The following SYBU variants were observed in gnomAD, a reference collection of about 807,000 sequenced individuals.
SYBU encodes the protein GOLSYN A protein.
In SYBU, 21 loss-of-function variants were observed where a neutral mutation model predicts 35.9. The ratio of observed to expected loss-of-function variants is 0.58; its 90% CI spans 0.41 to 0.84. The LOEUF (loss-of-function observed/expected upper bound fraction) is 0.84. Among genes scored for constraint, SYBU ranks in the 40% least tolerant of loss-of-function variants. The pLI is 0.00. For missense variants in SYBU, 768 were observed against 848.2 expected, an observed-to-expected ratio of 0.91 and a Z score of 1.17; for synonymous variants, 319 against 324.3, an observed-to-expected ratio of 0.98 and a Z score of 0.18.
chr8:109,639,682 T>C (rs1160900938), intron 2 of SYBU, among the ~76,000 whole-genome samples: 1 of 152,238 alleles, frequency 6.6e-6, no homozygotes, highest in East Asian at 1.9e-4. Context: ...TTAATATTTG[T>C]ATGCACCTTG....
At chr8:109,626,174 A>G (rs1036662542) in intron 2 of SYBU, among the ~76,000 whole-genome samples, 1 of 152,234 alleles carries the variant, frequency 6.6e-6, no homozygotes, top group Non-Finnish European at 1.5e-5. Context: ...TGTTAAAAGC[A>G]TCAACCCTTT....
upstream of SYBU, among the ~76,000 whole-genome samples, chr8:109,685,291 C>T (rs1817495386): frequency 6.6e-6 from 1 of 152,090 alleles, no homozygotes; most frequent in South Asian, 2.1e-4. Context: ...TGGAGGAAAA[C>T]AGATAAATGT....
upstream of SYBU, among the ~76,000 whole-genome samples, chr8:109,648,289 T>C (rs1484643736): frequency 7.5e-6 from 1 of 132,802 alleles, no homozygotes; most frequent in Admixed American, 7.2e-5. Context: ...TATATATATA[T>C]CTCCTGGCAA....
At chr8:109,662,356 A>T (rs1816593110) in intron 1 of SYBU, among the ~76,000 whole-genome samples, 1 of 152,214 alleles carries the variant, frequency 6.6e-6, no homozygotes, top group South Asian at 2.1e-4. Flanking sequence ...TTACTTTTTC[A>T]TCAGTGCTCA....
At chr8:109,654,980 G>A (rs1816295584) in intron 1 of SYBU, among the ~76,000 whole-genome samples, 1 of 152,118 alleles carries the variant, frequency 6.6e-6, no homozygotes, top group Non-Finnish European at 1.5e-5. Context: ...TTTGAACAGT[G>A]GCCACAATAG....
intron 2 of SYBU, among the ~76,000 whole-genome samples, chr8:109,624,184 G>A (rs1008923802): frequency 6.6e-6 from 1 of 151,930 alleles, no homozygotes; most frequent in Non-Finnish European, 1.5e-5. Flanking sequence ...TGAGTTCATG[G>A]TCATATAAAA....
chr8:109,599,312 T>C (rs991907280), intron 3 of SYBU, among the ~76,000 whole-genome samples: 1 of 152,204 alleles, frequency 6.6e-6, no homozygotes, highest in Non-Finnish European at 1.5e-5. Context: ...ATAACAGAAA[T>C]ACATTTTAAA....
At chr8:109,624,275 G>A (rs1015490141) in intron 2 of SYBU, among the ~76,000 whole-genome samples, 1 of 152,024 alleles carries the variant, frequency 6.6e-6, no homozygotes, top group Non-Finnish European at 1.5e-5. Context: ...AATTATCCAC[G>A]AACAATTCTT....
At chr8:109,661,273 G>C (rs1816550524) in intron 1 of SYBU, among the ~76,000 whole-genome samples, 1 of 152,182 alleles carries the variant, frequency 6.6e-6, no homozygotes, top group African/African-American at 2.4e-5. Context: ...CTCCCTATCA[G>C]GGTGAGGAGC....
At chr8:109,599,027 G>C (rs1044405249) in intron 3 of SYBU, among the ~76,000 whole-genome samples, 3 of 152,066 alleles carry the variant, frequency 2.0e-5, no homozygotes, top group Admixed American at 2.0e-4. Flanking sequence ...TCAAGACTTG[G>C]GGCAATTTTG....
chr8:109,576,156 T>A (rs1822290368), intron 6 of SYBU, 143 bp from the exon 7 acceptor site: 1 of 1,091,402 alleles, frequency 9.2e-7, no homozygotes, highest in Admixed American at 3.2e-5. Context: ...AGATGTGAAA[T>A]CAGTTTTCAA....
chr8:109,669,339 CAAAAAAAAAAAAAAA>C lies in SYBU; in HGVS notation c.-129+11357_-129+11371del, dbSNP rs533510895. Among the ~76,000 whole-genome samples, 7 of 49,696 alleles carry C rather than the reference CAAAAAAAAAAAAAAA, an allele frequency of 1.4e-4. No homozygotes were observed. In the East Asian group the frequency reaches 2.2e-3, roughly 15 times the overall value. 32.6% of individuals were successfully genotyped at this position (49,696 alleles called of 152,430 possible). The stretch of plus-strand genomic sequence containing the variant: ...CCTGGGCGACAGAGTGAGACTCCGT[CAAAAAAAAAAAAAAA>C]AAAAAAAAAAAAAACAACTGATCTA... On this transcript the variant is annotated intron_variant, in intron 1 of 5. Coordinates refer to the SYBU transcript ENST00000408889.
chr8:109,578,655 T>C (rs1377313822), intron 5 of SYBU, among the ~76,000 whole-genome samples: 4 of 152,164 alleles, frequency 2.6e-5, no homozygotes, highest in Non-Finnish European at 4.4e-5. Flanking sequence ...AGGAATGTTC[T>C]CATACAAAAT....
intron 1 of SYBU, chr8:109,643,147 G>A: frequency 3.5e-6 from 4 of 1,141,524 alleles, no homozygotes; most frequent in East Asian, 8.5e-5. Context: ...TGTCTGTGTG[G>A]CACACACACA....
chr8:109,599,995 G>T lies in SYBU; in HGVS notation c.428-13833C>A, dbSNP rs138231572. On this transcript the variant is annotated intron_variant, in intron 3 of 6. Transcript: ENST00000276646. ...ACTACTACCTGTTCTTCAGGTCTCA[G>T]TTTAGCCTTGAGCTTTACTTCCTTC... 2.0e-5 allele frequency among the ~76,000 whole-genome samples: 3 copies of T among 152,280 alleles called. No individual in the cohort carries two copies. In the East Asian group the frequency reaches 5.8e-4, roughly 29 times the overall value.
intron 4 of SYBU, 158 bp downstream of exon 4, chr8:109,585,902 A>G: frequency 1.6e-6 from 1 of 613,544 alleles, no homozygotes; most frequent in South Asian, 2.0e-5. Context: ...GACAGGAAAA[A>G]CTACCAATTT....
intron 2 of SYBU, among the ~76,000 whole-genome samples, chr8:109,621,461 T>TG (rs1334660906): frequency 6.6e-6 from 1 of 152,196 alleles, no homozygotes; most frequent in Non-Finnish European, 1.5e-5. Flanking sequence ...TCCTGAACTT[T>TG]GGATCCATCT....
At chr8:109,606,021 A>G (rs1038702606) in intron 3 of SYBU, among the ~76,000 whole-genome samples, 5 of 152,234 alleles carry the variant, frequency 3.3e-5, no homozygotes. Flanking sequence ...ATATACATAC[A>G]TACACATATA....
At chr8:109,661,969 G>A (rs549379599) in intron 1 of SYBU, among the ~76,000 whole-genome samples, 6 of 152,282 alleles carry the variant, frequency 3.9e-5, no homozygotes, top group South Asian at 2.1e-4. Context: ...TGTCCAAGCC[G>A]AGGTCTTTTA....
Sources: gnomAD v4.1 joint callset for allele counts (sites outside exome capture counted in the v4.1 genomes callset) on GRCh38, gnomAD v4.1.1 for gene constraint, MANE v1.5 for transcripts, NCBI Gene and HGNC (gene_info 2026-07-23, HGNC 2026-07-21) for gene names.